Variants in HADHA observed in about 807,000 individuals in gnomAD.
The protein encoded by HADHA is hydroxyacyl-CoA dehydrogenase trifunctional multienzyme complex subunit alpha, also known as trifunctional enzyme subunit alpha, mitochondrial.
In HADHA, 59 loss-of-function variants were observed where a neutral mutation model predicts 91.3. That is an observed-to-expected ratio of 0.65 (90% CI 0.52 to 0.80). The LOEUF (loss-of-function observed/expected upper bound fraction) is 0.80. HADHA is among the 30% of genes least tolerant of loss of function. The pLI is 0.00. For synonymous variants in HADHA, 320 were observed against 338.9 expected, an observed-to-expected ratio of 0.94 and a Z score of 0.61; for missense variants, 800 against 927.6, an observed-to-expected ratio of 0.86 and a Z score of 1.79.
At chr2:26,241,512 G>A (rs1373839479) in intron 1 of HADHA, among the ~76,000 whole-genome samples, 7 of 151,722 alleles carry the variant, frequency 4.6e-5, no homozygotes, top group African/African-American at 1.5e-4. Context: ...TTAGCTGGGC[G>A]TGGTGGCAGG....
In HADHA at chr2:26,241,477, CA is replaced by C. The variant is rs141836425; in HGVS notation, c.68-2335del. Among the ~76,000 whole-genome samples the C allele has an allele frequency of 1.2e-3, 162 of 136,966 alleles. 1 individual carries two copies. The highest frequency in any genetic ancestry group is 2.6e-3 in the African/African-American group (97 of 37,070). 89.9% of individuals were successfully genotyped at this position (136,966 alleles called of 152,430 possible). A position where few individuals can be genotyped will look rare whatever the true frequency, so the allele number is the denominator to read the frequency against. On this transcript the variant is annotated intron_variant, in intron 1 of 19. Coordinates refer to ENST00000380649, the MANE Select transcript of HADHA (RefSeq NM_000182.5). ...TCTACTAAAAATACAACAACAACAACAAAAAAAAAAAAACAAAAAAAAAGTT... is the reference window on the plus strand; with the variant it reads ...TCTACTAAAAATACAACAACAACAACAAAAAAAAAAAACAAAAAAAAAGTT...
chr2:26,194,541 C>G, intron 16 of HADHA, 29 bp downstream of exon 16: 1 of 1,416,510 alleles, frequency 7.1e-7, no homozygotes, highest in Non-Finnish European at 1.0e-6. Flanking sequence ...GTGGAAGATG[C>G]CGCAAACACT....
rs891322339 is a variant in HADHA, at chr2:26,190,762, C to G, written c.*488G>C. The G allele has an allele frequency of 4.4e-6, 1 of 226,794 alleles. No homozygotes were observed. The highest frequency in any genetic ancestry group is 2.3e-5 in the African/African-American group (1 of 43,742). 14.0% of individuals were successfully genotyped at this position (226,794 alleles called of 1,614,324 possible). On this transcript the variant is annotated 3_prime_UTR_variant, in exon 20 of 20. Coordinates refer to ENST00000380649, the MANE Select transcript of HADHA (RefSeq NM_000182.5). ...CACTTTCTCTCATCCCAGTCCCTCC[C>G]TAAGGTGCTGCCTAGAATTCTGCAC...
chr2:26,211,576 C>T (rs1670102478), intron 10 of HADHA, among the ~76,000 whole-genome samples: 1 of 152,180 alleles, frequency 6.6e-6, no homozygotes, highest in South Asian at 2.1e-4. Context: ...AGACTCTGAT[C>T]CCATTCCCAA....
intron 13 of HADHA, among the ~76,000 whole-genome samples, chr2:26,200,402 T>C (rs77477096): frequency 0.014 from 2,081 of 152,312 alleles, 40 homozygotes; most frequent in African/African-American, 0.047. Flanking sequence ...GTTTTGTTCA[T>C]GTCAGCCCAT....
At position 26,221,222 on chromosome 2, in the gene HADHA, T is replaced by C. The variant is rs1670368278; in HGVS notation, c.677-6047A>G. On this transcript the variant is annotated intron_variant, in intron 7 of 19. Transcript: ENST00000380649. The surrounding 1 kb of genome is among the most constrained non-coding windows in gnomAD (Gnocchi z 4.8). ...AGAACAAGAGAAGCTGTTCTGCCAT[T>C]TGGGCCACGTGATTCAAACCTGATG... 6.6e-6 allele frequency among the ~76,000 whole-genome samples: 1 copy of C among 152,116 alleles called. No individual in the cohort carries two copies. The highest frequency in any genetic ancestry group is 1.5e-5 in the Non-Finnish European group (1 of 68,018).
chr2:26,206,087 G>C (rs1480482324), intron 11 of HADHA, among the ~76,000 whole-genome samples: 1 of 151,938 alleles, frequency 6.6e-6, no homozygotes, highest in African/African-American at 2.4e-5. Context: ...GATCGCTTGA[G>C]CTCAGGAGTT....
rs747736034 is a variant in HADHA, at chr2:26,212,462, T to A, written c.975+108A>T. The A allele has an allele frequency of 6.1e-6, 5 of 821,734 alleles. No homozygotes were observed. In the South Asian group the frequency reaches 7.0e-5, roughly 12 times the overall value. The allele number at this position is 821,734 out of a possible 1,614,324, so 50.9% of individuals were successfully genotyped here. ...GATGATAAGCACTGGAAGAAAAAAA[T>A]TTTTACTAGGCTTTGGATATTTTTT... On this transcript the variant is annotated intron_variant, in intron 10 of 19. Coordinates refer to ENST00000380649, the MANE Select transcript of HADHA (RefSeq NM_000182.5).
At chr2:26,196,755 G>A (rs1669685082) in intron 14 of HADHA, among the ~76,000 whole-genome samples, 1 of 152,236 alleles carries the variant, frequency 6.6e-6, no homozygotes, top group South Asian at 2.1e-4. Flanking sequence ...CGATGGCGGG[G>A]AGAGGTTACC....
chr2:26,244,379 G>A (rs1671020015), intron 1 of HADHA, 151 bp downstream of exon 1: 3 of 795,470 alleles, frequency 3.8e-6, no homozygotes, highest in Non-Finnish European at 6.4e-6. Context: ...AGAAGGTCAC[G>A]GGAAACCGGG....
intron 14 of HADHA, among the ~76,000 whole-genome samples, chr2:26,197,481 G>A (rs1558316544): frequency 6.6e-6 from 1 of 152,158 alleles, no homozygotes. Context: ...ATGCCCATTT[G>A]GGATCCTTGA....
chr2:26,238,188 T>C (rs186562912), intron 3 of HADHA, among the ~76,000 whole-genome samples: 61 of 152,232 alleles, frequency 4.0e-4, no homozygotes, highest in Non-Finnish European at 6.6e-4. Flanking sequence ...TTATTTTTTA[T>C]AGAGACAAGG....
chr2:26,212,353 T>C lies in HADHA; in HGVS notation c.975+217A>G, dbSNP rs935975423. ...CTGCCCACCTCGGCCTCCCAGAATG[T>C]TGGGATTACAGGGGTAAACCACCAC... On this transcript the variant is annotated intron_variant, in intron 10 of 19. Transcript: ENST00000380649. The C allele has an allele frequency of 4.5e-5, 25 of 553,840 alleles. No homozygotes were observed. In the Admixed American group the frequency reaches 7.5e-4, roughly 17 times the overall value. 34.3% of individuals were successfully genotyped at this position (553,840 alleles called of 1,614,324 possible).
At chr2:26,195,039 A>C (rs573090329) in intron 15 of HADHA, 53 bp downstream of exon 15, 46 of 1,375,832 alleles carry the variant, frequency 3.3e-5, no homozygotes, top group Non-Finnish European at 4.7e-5. Context: ...AGGTAAAAGG[A>C]GTCTTATTAG....
chr2:26,230,627 T>C lies in HADHA; in HGVS notation c.574-333A>G, dbSNP rs10179433. On this transcript the variant is annotated intron_variant, in intron 6 of 19. Coordinates refer to ENST00000380649, the MANE Select transcript of HADHA (RefSeq NM_000182.5). ...GTTTTTTTCTATCATATATATAATA[T>C]GTAAAATTCTGGCCAGGCACGGTGG... Among the ~76,000 whole-genome samples, 3,195 of 152,208 alleles carry C rather than the reference T, an allele frequency of 0.021. 112 individuals carry two copies. Among genetic ancestry groups the C allele is most frequent in the African/African-American group, 0.072 (2,987 of 41,510 alleles).
At chr2:26,222,094 C>T (rs4665840) in intron 7 of HADHA, among the ~76,000 whole-genome samples, 125,115 of 152,138 alleles carry the variant, frequency 0.82, 51,803 homozygotes, top group African/African-American at 0.93. Context: ...TTTAAAGAAG[C>T]GATTAAGTTA....
chr2:26,244,257 A>T (rs1282889736), intron 1 of HADHA, among the ~76,000 whole-genome samples: 1 of 152,264 alleles, frequency 6.6e-6, no homozygotes, highest in Non-Finnish European at 1.5e-5. Flanking sequence ...AGTGCGACGC[A>T]AGAGACCCGC....
At chr2:26,201,858 G>A (rs547416519) in intron 12 of HADHA, among the ~76,000 whole-genome samples, 2 of 151,596 alleles carry the variant, frequency 1.3e-5, no homozygotes, top group African/African-American at 2.4e-5. Context: ...GCAGTGGCGT[G>A]ATCTCAGCTC....
chr2:26,191,144 G>GTT lies in HADHA; in HGVS notation c.*104_*105dup. 8.5e-7 allele frequency: 1 copy of GTT among 1,173,606 alleles called. No homozygotes were observed. Among genetic ancestry groups the GTT allele is most frequent in the East Asian group, 2.4e-5 (1 of 42,242 alleles). 72.7% of individuals were successfully genotyped at this position (1,173,606 alleles called of 1,614,324 possible). A position where few individuals can be genotyped will look rare whatever the true frequency, so the allele number is the denominator to read the frequency against. ...ATCAGGGAGCAAACCCAGTGCCGGA[G>GTT]TTTGTCTTCTCGTTACTCTGATAAA... On this transcript the variant is annotated 3_prime_UTR_variant, in exon 20 of 20. Transcript: ENST00000380649.
Sources: allele counts gnomAD v4.1 joint callset (sites outside exome capture counted in the v4.1 genomes callset), GRCh38; gene constraint gnomAD v4.1.1; non-coding constraint Gnocchi (gnomAD v3.1); transcripts MANE v1.5; gene names NCBI Gene and HGNC (gene_info 2026-07-23, HGNC 2026-07-21).